Variants in THSD7B observed in about 807,000 individuals in gnomAD.
The protein encoded by THSD7B is thrombospondin type 1 domain containing 7B.
A neutral mutation model predicts 213.6 loss-of-function variants in THSD7B; 138 were observed. The ratio of observed to expected loss-of-function variants is 0.65; its 90% CI spans 0.56 to 0.74. THSD7B has a LOEUF of 0.74. THSD7B is among the 30% of genes least tolerant of loss of function. The probability of loss-of-function intolerance (pLI) is 0.00; values close to 1 mark genes in which losing one functional copy is unlikely to be tolerated. For synonymous variants in THSD7B, 742 were observed against 687.0 expected (o/e 1.08, Z -1.25); for missense variants, 1,931 against 1,991.5 (o/e 0.97, Z 0.58).
intron 12 of THSD7B, among the ~76,000 whole-genome samples, chr2:137,386,434 C>A (rs1685895184): frequency 6.6e-6 from 1 of 152,140 alleles, no homozygotes; most frequent in Non-Finnish European, 1.5e-5. Flanking sequence ...GAACTGAGGT[C>A]CCCTGCTATT....
intron 12 of THSD7B, among the ~76,000 whole-genome samples, chr2:137,397,182 T>C (rs1410766031): frequency 6.6e-6 from 1 of 151,928 alleles, no homozygotes; most frequent in Non-Finnish European, 1.5e-5. Context: ...TTAATATTGT[T>C]ATGTGTGAAT....
intron 2 of THSD7B, among the ~76,000 whole-genome samples, chr2:137,039,978 C>A (rs1054014498): frequency 1.3e-5 from 2 of 152,202 alleles, no homozygotes; most frequent in South Asian, 2.1e-4. Context: ...CTGACTGCTT[C>A]TATGGAACCT....
At chr2:137,400,577 G>T (rs1686332278) in intron 12 of THSD7B, among the ~76,000 whole-genome samples, 1 of 152,114 alleles carries the variant, frequency 6.6e-6, no homozygotes, top group Admixed American at 6.5e-5. Context: ...ATGACCTCTT[G>T]GGCAGCTGGG....
chr2:137,461,201 C>G (rs560661373), intron 15 of THSD7B, among the ~76,000 whole-genome samples: 1 of 152,024 alleles, frequency 6.6e-6, no homozygotes, highest in East Asian at 1.9e-4. Context: ...ATAATAGACA[C>G]ATATGTATGC....
intron 6 of THSD7B, among the ~76,000 whole-genome samples, chr2:137,168,240 G>A (rs775924583): frequency 3.8e-4 from 58 of 152,318 alleles, no homozygotes; most frequent in Middle Eastern, 3.4e-3. Flanking sequence ...ACAGGAAAGT[G>A]ATGTGCAAAT....
chr2:137,146,880 GT>G (rs2104970330), intron 5 of THSD7B, among the ~76,000 whole-genome samples: 1 of 152,266 alleles, frequency 6.6e-6, no homozygotes, highest in East Asian at 1.9e-4. Flanking sequence ...TTGAAGCTCA[GT>G]TGCTAAGAGA....
At chr2:137,371,162 C>T (rs1685530350) in intron 12 of THSD7B, among the ~76,000 whole-genome samples, 1 of 152,066 alleles carries the variant, frequency 6.6e-6, no homozygotes, top group Non-Finnish European at 1.5e-5. Flanking sequence ...TGCAGATCTG[C>T]CATCCTGGGA....
intron 2 of THSD7B, among the ~76,000 whole-genome samples, chr2:136,887,300 T>TGTG (rs113561158): frequency 2.7e-5 from 4 of 148,464 alleles, no homozygotes; most frequent in Admixed American, 1.3e-4. Context: ...TCCATATTTG[T>TGTG]TGTGTGTGTG....
chr2:137,322,896 G>A (rs114909663), intron 12 of THSD7B, among the ~76,000 whole-genome samples: 289 of 152,240 alleles, frequency 1.9e-3, no homozygotes, highest in African/African-American at 6.4e-3. Context: ...ATGGAGGAGA[G>A]GATATTATCT....
intron 1 of THSD7B, among the ~76,000 whole-genome samples, chr2:136,871,642 A>G (rs934568898): frequency 3.9e-5 from 6 of 152,212 alleles, no homozygotes; most frequent in African/African-American, 1.2e-4. Flanking sequence ...TGAAATTATA[A>G]GAATGTATCC....
At chr2:136,951,262 T>A (rs1311800146) in intron 2 of THSD7B, among the ~76,000 whole-genome samples, 1 of 152,170 alleles carries the variant, frequency 6.6e-6, no homozygotes, top group African/African-American at 2.4e-5. Flanking sequence ...CACAAAATAT[T>A]TTTTCCTCTC....
At chr2:137,555,550 T>G (rs553784780) in intron 15 of THSD7B, among the ~76,000 whole-genome samples, 189 of 152,136 alleles carry the variant, frequency 1.2e-3, no homozygotes, top group African/African-American at 3.8e-3. Context: ...TGTATGTCAC[T>G]ATCATCAAAG....
intron 12 of THSD7B, among the ~76,000 whole-genome samples, chr2:137,354,283 GA>G (rs11306277): frequency 0.64 from 97,248 of 151,342 alleles, 31,708 homozygotes; most frequent in East Asian, 0.77. Context: ...AATGCAGTCA[GA>G]AAAAAAACCT....
intron 1 of THSD7B, among the ~76,000 whole-genome samples, chr2:136,867,488 G>C (rs1248865952): frequency 6.6e-6 from 1 of 152,150 alleles, no homozygotes; most frequent in Admixed American, 6.5e-5. Flanking sequence ...AACTGAGAAT[G>C]AAAGGTTTAA....
chr2:137,392,498 A>C, intron 12 of THSD7B, among the ~76,000 whole-genome samples: 1 of 152,072 alleles, frequency 6.6e-6, no homozygotes, highest in East Asian at 1.9e-4. Flanking sequence ...ATCATTGTAT[A>C]GTGATCATTT....
In THSD7B at chr2:136,942,908, A is replaced by G. The variant is rs572624785; in HGVS notation, c.139+60591A>G. Among the ~76,000 whole-genome samples the G allele has an allele frequency of 9.2e-5, 14 of 152,314 alleles. No homozygotes were observed. The South Asian group carries it at 2.9e-3, about 32-fold the overall frequency. On this transcript the variant is annotated intron_variant, in intron 2 of 27. Coordinates refer to ENST00000409968, the MANE Select transcript of THSD7B (RefSeq NM_001316349.2). ...CTGTGTTGAATAGGAGTGGTGAGAGAGGACATCCCTGTCTTGTGCCTGTTT... is the reference window on the plus strand; with the variant it reads ...CTGTGTTGAATAGGAGTGGTGAGAGGGGACATCCCTGTCTTGTGCCTGTTT...
At position 137,147,543 on chromosome 2, in the gene THSD7B, T is replaced by G. The variant is rs112968623; in HGVS notation, c.1370-12670T>G. On this transcript the variant is annotated intron_variant, in intron 5 of 27. Coordinates refer to ENST00000409968, the MANE Select transcript of THSD7B (RefSeq NM_001316349.2). ...ACCTTGTCTGGTTTTTTTTTTGTTT[T>G]TTGTCCCTTATAAAGAGGTTTAAGC... Among the ~76,000 whole-genome samples, 1,079 of 152,194 alleles carry G rather than the reference T, an allele frequency of 7.1e-3. 3 individuals are homozygous for G. Among genetic ancestry groups the G allele is most frequent in the Non-Finnish European group, 0.011 (758 of 67,968 alleles).
rs573997235 is a variant in THSD7B at position 137,186,285 on chromosome 2, C to A, written c.1723+15347C>A. ...TTTTGTTGCAATTGCTTTTAAGGAC[C>A]TAGCCATAAATTATTTGCCAAAGCC... On this transcript the variant is annotated intron_variant, in intron 7 of 27. Transcript: ENST00000409968. Among the ~76,000 whole-genome samples, 9 of 152,054 alleles carry A rather than the reference C, an allele frequency of 5.9e-5. No homozygotes were observed. In the East Asian group the frequency reaches 1.5e-3, roughly 26 times the overall value.
intron 15 of THSD7B, among the ~76,000 whole-genome samples, chr2:137,515,873 A>G (rs185143529): frequency 6.6e-6 from 1 of 152,340 alleles, no homozygotes; most frequent in East Asian, 1.9e-4. Context: ...CAGACCTACT[A>G]ATCGCAGCTG....
Sources: allele counts gnomAD v4.1 joint callset (sites outside exome capture counted in the v4.1 genomes callset), GRCh38; gene constraint gnomAD v4.1.1; transcripts MANE v1.5; gene names NCBI Gene and HGNC (gene_info 2026-07-23, HGNC 2026-07-21).